Variants in SYT14 observed in about 807,000 individuals in gnomAD.
SYT14 encodes synaptotagmin-14.
In SYT14, 32 loss-of-function variants were observed where a neutral mutation model predicts 74.2. That is an observed-to-expected ratio of 0.43 (90% CI 0.33 to 0.58). The LOEUF (loss-of-function observed/expected upper bound fraction) is 0.58, where lower values mean the gene tolerates loss of function less well. SYT14 is among the 20% of genes least tolerant of loss of function. The probability of loss-of-function intolerance (pLI) is 0.05; values close to 1 mark genes in which losing one functional copy is unlikely to be tolerated. For synonymous variants in SYT14, 298 were observed against 337.7 expected (o/e 0.88, Z 1.29); for missense variants, 791 against 981.8 (o/e 0.81, Z 2.60).
At chr1:209,958,496 A>G (rs1011986846) in intron 2 of SYT14, among the ~76,000 whole-genome samples, 1 of 152,144 alleles carries the variant, frequency 6.6e-6, no homozygotes, top group Non-Finnish European at 1.5e-5. Flanking sequence ...TATCTTTAAA[A>G]TACTGAGATT....
At chr1:210,023,248 T>C (rs1441425608) in intron 5 of SYT14, among the ~76,000 whole-genome samples, 2 of 152,194 alleles carry the variant, frequency 1.3e-5, no homozygotes, top group African/African-American at 2.4e-5. Context: ...AAAAACCTAC[T>C]GACTGGAGGA....
exon 4 of SYT14, chr1:210,016,071 G>A: frequency 8.1e-7 from 1 of 1,232,106 alleles, no homozygotes; most frequent in Non-Finnish European, 1.0e-6. Context: ...ACAATCAGTA[G>A]TGCTGTAGAG....
At chr1:209,973,017 T>A (rs1001110005) in intron 2 of SYT14, among the ~76,000 whole-genome samples, 1 of 152,236 alleles carries the variant, frequency 6.6e-6, no homozygotes, top group Non-Finnish European at 1.5e-5. Context: ...TTTATGAATC[T>A]GAGTGCCTCA....
At chr1:209,938,354 C>T in intron 1 of SYT14, 77 bp downstream of exon 1, 8 of 1,445,938 alleles carry the variant, frequency 5.5e-6, no homozygotes, top group Non-Finnish European at 6.5e-6. Flanking sequence ...CGCCGGCAGG[C>T]CGAGGCGCTG....
At chr1:209,950,270 T>G (rs2078891489) in intron 1 of SYT14, among the ~76,000 whole-genome samples, 1 of 152,200 alleles carries the variant, frequency 6.6e-6, no homozygotes, top group Admixed American at 6.5e-5. Context: ...CTAAGTTACC[T>G]ATGAAAACAT....
chr1:210,163,365 C>G (rs1344945625), exon 10 of SYT14: 19 of 453,472 alleles, frequency 4.2e-5, no homozygotes, highest in Non-Finnish European at 8.8e-6. Context: ...AATTAATAAA[C>G]AGTTTTTTAA....
At chr1:210,150,666 T>A (rs1367910094) in intron 7 of SYT14, among the ~76,000 whole-genome samples, 1 of 152,206 alleles carries the variant, frequency 6.6e-6, no homozygotes, top group Non-Finnish European at 1.5e-5. Flanking sequence ...GCATTTCACA[T>A]ATAAATAAAA....
At chr1:210,053,284 G>A (rs2081037066) in intron 5 of SYT14, among the ~76,000 whole-genome samples, 1 of 152,176 alleles carries the variant, frequency 6.6e-6, no homozygotes, top group African/African-American at 2.4e-5. Flanking sequence ...AGCTGTTTAA[G>A]AGAAGATTAA....
intron 5 of SYT14, among the ~76,000 whole-genome samples, chr1:210,032,187 A>G (rs904925958): frequency 1.3e-5 from 2 of 152,104 alleles, no homozygotes; most frequent in African/African-American, 4.8e-5. Flanking sequence ...GTACACTGCC[A>G]TCTAACTCAG....
Position 209,978,796 on chromosome 1 carries a change from C to T in SYT14, c.-486+26040C>T, listed in dbSNP as rs1406922153. Among the ~76,000 whole-genome samples the T allele has an allele frequency of 3.9e-5, 6 of 152,206 alleles. No homozygotes were observed. In the South Asian group the frequency reaches 1.2e-3, roughly 31 times the overall value. ...GCCTTTTGTTTGGGTATTCCCTGCC[C>T]CCAGAGGTGGAACCTGCAGAGGCAG... On this transcript the variant is annotated intron_variant, in intron 2 of 9. Coordinates refer to ENST00000637265, the Ensembl canonical transcript of SYT14.
At chr1:209,953,568 G>T (rs2102684845) in intron 2 of SYT14, among the ~76,000 whole-genome samples, 1 of 152,308 alleles carries the variant, frequency 6.6e-6, no homozygotes, top group South Asian at 2.1e-4. Context: ...GTTTGGAGCA[G>T]TGTCATTATT....
chr1:210,109,176 G>C (rs139160851), intron 7 of SYT14, among the ~76,000 whole-genome samples: 12 of 152,188 alleles, frequency 7.9e-5, no homozygotes, highest in African/African-American at 2.4e-4. Flanking sequence ...AGACATTTAC[G>C]TGGCCAACAA....
At chr1:210,024,285 G>A (rs2080364089) in intron 5 of SYT14, among the ~76,000 whole-genome samples, 1 of 152,178 alleles carries the variant, frequency 6.6e-6, no homozygotes, top group Admixed American at 6.6e-5. Flanking sequence ...AAAGATATCA[G>A]TTAAGGAGAT....
intron 7 of SYT14, among the ~76,000 whole-genome samples, chr1:210,103,796 TATATATTGG>T (rs905245002): frequency 1.5e-4 from 23 of 152,282 alleles, no homozygotes; most frequent in African/African-American, 5.5e-4. Context: ...ATTATGCTAG[TATATATTGG>T]GAATGGAGTT....
intron 2 of SYT14, among the ~76,000 whole-genome samples, chr1:209,960,681 A>C (rs965622638): frequency 1.3e-5 from 2 of 152,116 alleles, no homozygotes; most frequent in African/African-American, 4.8e-5. Context: ...GAAATAATAA[A>C]CCTCATCAAT....
intron 1 of SYT14, among the ~76,000 whole-genome samples, chr1:209,947,020 G>T (rs1427678007): frequency 1.3e-5 from 2 of 152,178 alleles, no homozygotes; most frequent in African/African-American, 4.8e-5. Flanking sequence ...CAGAACATCT[G>T]TTTACAGCAT....
At chr1:209,944,966 G>T (rs934590376) in intron 1 of SYT14, among the ~76,000 whole-genome samples, 1 of 151,924 alleles carries the variant, frequency 6.6e-6, no homozygotes, top group Non-Finnish European at 1.5e-5. Context: ...CCTTTTTTGG[G>T]TGCTTGCCAT....
chr1:210,124,021 G>C (rs1173231096), intron 7 of SYT14, among the ~76,000 whole-genome samples: 3 of 152,148 alleles, frequency 2.0e-5, no homozygotes, highest in Admixed American at 1.3e-4. Context: ...AGAAGGGTCA[G>C]TACGAGGATT....
intron 5 of SYT14, among the ~76,000 whole-genome samples, chr1:210,046,555 C>A (rs2080889256): frequency 6.6e-6 from 1 of 152,120 alleles, no homozygotes; most frequent in Non-Finnish European, 1.5e-5. Flanking sequence ...TATCAGGCAA[C>A]CACTCATCTA....
Sources: allele counts gnomAD v4.1 joint callset (sites outside exome capture counted in the v4.1 genomes callset), GRCh38; gene constraint gnomAD v4.1.1; transcripts MANE v1.5; gene names NCBI Gene and HGNC (gene_info 2026-07-23, HGNC 2026-07-21).